The following OR3A2 variants were observed in gnomAD, a reference collection of about 807,000 sequenced individuals.
OR3A2 encodes the protein olfactory receptor family 3 subfamily A member 2, also known as olfactory receptor 3A2.
For missense variants in OR3A2, 318 were observed against 392.8 expected (o/e 0.81, Z 1.61); for synonymous variants, 126 against 159.3 (o/e 0.79, Z 1.57).
intron 2 of OR3A2, among the ~76,000 whole-genome samples, chr17:3,366,742 T>C (rs2049567652): frequency 6.6e-6 from 1 of 152,222 alleles, no homozygotes; most frequent in African/African-American, 2.4e-5. Context: ...GTCAGTGTTC[T>C]GGGCTTTGTA....
chr17:3,361,892 C>G (rs1202166745), intron 2 of OR3A2, among the ~76,000 whole-genome samples: 1 of 151,438 alleles, frequency 6.6e-6, no homozygotes, highest in Non-Finnish European at 1.5e-5. Flanking sequence ...TTTGTTGTGT[C>G]TCTGCCCGGC....
intron 2 of OR3A2, among the ~76,000 whole-genome samples, chr17:3,364,326 C>T (rs2049545141): frequency 6.6e-6 from 1 of 152,128 alleles, no homozygotes; most frequent in Admixed American, 6.6e-5. Flanking sequence ...ATCTCACTTC[C>T]AATATTTATC....
chr17:3,340,671 G>C lies in OR3A2; in HGVS notation c.-178-4545C>G, dbSNP rs566550084. 4.4e-4 allele frequency among the ~76,000 whole-genome samples: 67 copies of C among 152,292 alleles called. 1 individual carries two copies. Among genetic ancestry groups the C allele is most frequent in the Non-Finnish European group, 5.1e-4 (35 of 68,038 alleles). On this transcript the variant is annotated intron_variant, in intron 2 of 4. Coordinates refer to the OR3A2 transcript ENST00000573491. The stretch of plus-strand genomic sequence containing the variant: ...TGTCCTTTTACATTTGCTGAGGAGT[G>C]CTTTACTTCCAACTATGTGGTCAAT...
chr17:3,313,723 C>A (rs745702116), intron 3 of OR3A2, among the ~76,000 whole-genome samples: 33 of 152,340 alleles, frequency 2.2e-4, no homozygotes, highest in Middle Eastern at 3.4e-3. Flanking sequence ...CACAGCATGA[C>A]AGCATCATAA....
chr17:3,287,802 G>A (rs2048827063), upstream of OR3A2, among the ~76,000 whole-genome samples: 1 of 151,650 alleles, frequency 6.6e-6, no homozygotes, highest in Non-Finnish European at 1.5e-5. Flanking sequence ...TTTTACTTTT[G>A]CTGAATTTAT....
At chr17:3,350,178 A>C (rs1179429674) in intron 2 of OR3A2, among the ~76,000 whole-genome samples, 1 of 151,916 alleles carries the variant, frequency 6.6e-6, no homozygotes, top group Non-Finnish European at 1.5e-5. Context: ...GAAATAACTA[A>C]AATCAGAGCA....
rs146203774 is a variant in OR3A2 at position 3,363,199 on chromosome 17, C to T, written c.-179+20605G>A. Among the ~76,000 whole-genome samples the T allele has an allele frequency of 6.7e-3, 1,022 of 151,920 alleles. 53 individuals carry two copies. The highest frequency in any genetic ancestry group is 0.027 in the Middle Eastern group (8 of 294). ...CAGAAAATGGGTTTGTCTTTTCTAC[C>T]TCATGGTCAGGCTGCAAATTTTTCA... On this transcript the variant is annotated intron_variant, in intron 2 of 4. Coordinates refer to the OR3A2 transcript ENST00000573491.
chr17:3,315,564 G>C (rs2049074923), intron 3 of OR3A2, among the ~76,000 whole-genome samples: 1 of 152,010 alleles, frequency 6.6e-6, no homozygotes, highest in Non-Finnish European at 1.5e-5. Context: ...ATTTGTTGAA[G>C]TTCCCTATAG....
At chr17:3,291,741 T>C (rs147394862) in intron 3 of OR3A2, 28 of 1,613,604 alleles carry the variant, frequency 1.7e-5, no homozygotes, top group Non-Finnish European at 2.2e-5. Context: ...GATGACAGTG[T>C]TGAAAATTCC....
intron 1 of OR3A2, among the ~76,000 whole-genome samples, chr17:3,281,702 G>A (rs971224876): frequency 6.6e-6 from 1 of 152,064 alleles, no homozygotes; most frequent in Non-Finnish European, 1.5e-5. Flanking sequence ...GGGAGAGCAG[G>A]AAATACTTTA....
chr17:3,341,587 T>C (rs1011651531), intron 2 of OR3A2, among the ~76,000 whole-genome samples: 1 of 152,188 alleles, frequency 6.6e-6, no homozygotes, highest in Non-Finnish European at 1.5e-5. Context: ...TGTTGAATAT[T>C]GGCCCCCACT....
chr17:3,373,229 G>A (rs1196934756), intron 2 of OR3A2, among the ~76,000 whole-genome samples: 21 of 152,186 alleles, frequency 1.4e-4, no homozygotes, highest in Non-Finnish European at 1.5e-5. Flanking sequence ...GGTCGATCTT[G>A]GAGAATGTTC....
At chr17:3,332,962 A>C (rs1597345543) in intron 3 of OR3A2, among the ~76,000 whole-genome samples, 1 of 152,214 alleles carries the variant, frequency 6.6e-6, no homozygotes, top group Non-Finnish European at 1.5e-5. Flanking sequence ...ACAGAATAAC[A>C]GCGATTTTAA....
intron 2 of OR3A2, among the ~76,000 whole-genome samples, chr17:3,340,262 T>C (rs945634034): frequency 3.3e-5 from 5 of 152,178 alleles, no homozygotes; most frequent in African/African-American, 9.7e-5. Flanking sequence ...TGTGTCTCTA[T>C]CTCCTTCAGT....
intron 3 of OR3A2, among the ~76,000 whole-genome samples, chr17:3,318,357 A>G (rs1021505231): frequency 6.6e-6 from 1 of 152,192 alleles, no homozygotes; most frequent in Non-Finnish European, 1.5e-5. Flanking sequence ...GAAGAGGCCA[A>G]TTAGTGATGG....
chr17:3,339,454 G>T (rs535687834), intron 2 of OR3A2, among the ~76,000 whole-genome samples: 1 of 152,080 alleles, frequency 6.6e-6, no homozygotes, highest in African/African-American at 2.4e-5. Flanking sequence ...CGTTCCATCA[G>T]TACCTAGCTT....
chr17:3,369,594 G>A (rs778740599), intron 2 of OR3A2, among the ~76,000 whole-genome samples: 6 of 151,978 alleles, frequency 3.9e-5, no homozygotes, highest in African/African-American at 9.7e-5. Context: ...CTTGATCTTC[G>A]TATATTATAT....
At chr17:3,342,515 A>G (rs1219261889) in intron 2 of OR3A2, among the ~76,000 whole-genome samples, 2 of 152,176 alleles carry the variant, frequency 1.3e-5, no homozygotes, top group African/African-American at 4.8e-5. Context: ...TCCTTCTGTC[A>G]GGTCCCTCAG....
intron 2 of OR3A2, among the ~76,000 whole-genome samples, chr17:3,361,627 G>A (rs1686341285): frequency 6.6e-6 from 1 of 151,620 alleles, no homozygotes; most frequent in Non-Finnish European, 1.5e-5. Flanking sequence ...TAGCATGAAA[G>A]GTTGTTGAAT....
Sources: gnomAD v4.1 joint callset for allele counts (sites outside exome capture counted in the v4.1 genomes callset) on GRCh38, gnomAD v4.1.1 for gene constraint, MANE v1.5 for transcripts, NCBI Gene and HGNC (gene_info 2026-07-23, HGNC 2026-07-21) for gene names.